The following MAGI2 variants were observed in gnomAD, a reference collection of about 807,000 sequenced individuals.
MAGI2 encodes the protein membrane associated guanylate kinase, WW and PDZ domain containing 2.
In MAGI2, 35 loss-of-function variants were observed where a neutral mutation model predicts 133.3. The observed-to-expected ratio is 0.26, with a 90% CI of 0.20 to 0.35. The LOEUF (loss-of-function observed/expected upper bound fraction) is 0.35, where lower values mean the gene tolerates loss of function less well. MAGI2 is among the 10% of genes least tolerant of loss of function. The pLI is 1.00. For missense variants in MAGI2, 1,636 were observed against 1,863.4 expected, an observed-to-expected ratio of 0.88 and a Z score of 2.25; for synonymous variants, 729 against 710.6, an observed-to-expected ratio of 1.03 and a Z score of -0.41.
intron 1 of MAGI2, among the ~76,000 whole-genome samples, chr7:79,203,891 C>A (rs540119015): frequency 1.3e-5 from 2 of 152,100 alleles, no homozygotes; most frequent in African/African-American, 2.4e-5. Flanking sequence ...CGTCCCCATG[C>A]AGAAACATTA....
chr7:78,955,917 T>C (rs898541517), intron 2 of MAGI2, among the ~76,000 whole-genome samples: 1 of 152,050 alleles, frequency 6.6e-6, no homozygotes, highest in African/African-American at 2.4e-5. Context: ...CACTTTATAA[T>C]ATCTAGAAAC....
intron 1 of MAGI2, among the ~76,000 whole-genome samples, chr7:79,183,661 C>T (rs1041326584): frequency 2.0e-5 from 3 of 151,816 alleles, no homozygotes; most frequent in Non-Finnish European, 2.9e-5. Context: ...GAAATGACTA[C>T]GTCAAAGAGA....
At chr7:79,324,458 G>T (rs1386641028) in intron 1 of MAGI2, among the ~76,000 whole-genome samples, 4 of 102,846 alleles carry the variant, frequency 3.9e-5, no homozygotes, top group African/African-American at 1.4e-4. Flanking sequence ...TATGGTTATA[G>T]ATAGATACGT....
intron 1 of MAGI2, chr7:79,124,794 T>G: frequency 6.2e-6 from 1 of 161,492 alleles, no homozygotes; most frequent in South Asian, 1.6e-4. Context: ...TTGGGGGAGT[T>G]GAGCTTTGAA....
At chr7:78,873,875 A>G (rs1006723493) in intron 2 of MAGI2, among the ~76,000 whole-genome samples, 1 of 152,162 alleles carries the variant, frequency 6.6e-6, no homozygotes, top group African/African-American at 2.4e-5. Context: ...GCTTGCTCAC[A>G]GGGGAGAGGT....
At chr7:79,015,670 G>A (rs184105768) in intron 1 of MAGI2, among the ~76,000 whole-genome samples, 108 of 152,180 alleles carry the variant, frequency 7.1e-4, no homozygotes, top group African/African-American at 2.4e-3. Context: ...TGTCCCAAAG[G>A]TTTATTTTGG....
At chr7:79,060,973 G>A (rs1446936352) in intron 1 of MAGI2, among the ~76,000 whole-genome samples, 1 of 152,114 alleles carries the variant, frequency 6.6e-6, no homozygotes, top group East Asian at 1.9e-4. Flanking sequence ...TTTTAAGGGA[G>A]GTTATATTGT....
chr7:79,407,617 T>A (rs1845894013), intron 1 of MAGI2, among the ~76,000 whole-genome samples: 1 of 152,160 alleles, frequency 6.6e-6, no homozygotes. Context: ...GCTATGAGCT[T>A]GTATTTTGTG....
At chr7:79,281,014 CCTAA>C (rs1835601025) in intron 1 of MAGI2, among the ~76,000 whole-genome samples, 2 of 141,208 alleles carry the variant, frequency 1.4e-5, no homozygotes, top group African/African-American at 5.3e-5. Context: ...GGGAGCATAA[CCTAA>C]CTGTTTCAAA....
At chr7:78,217,760 C>T (rs1788414024) in intron 10 of MAGI2, among the ~76,000 whole-genome samples, 1 of 152,172 alleles carries the variant, frequency 6.6e-6, no homozygotes, top group Non-Finnish European at 1.5e-5. Flanking sequence ...TTGCCATGAT[C>T]TTGTCCTAAA....
intron 1 of MAGI2, among the ~76,000 whole-genome samples, chr7:79,112,999 A>G (rs1310030410): frequency 6.6e-6 from 1 of 152,230 alleles, no homozygotes; most frequent in Non-Finnish European, 1.5e-5. Flanking sequence ...AATAATTTTT[A>G]GTAAAAACTT....
chr7:78,647,617 C>G (rs879547921), intron 2 of MAGI2, among the ~76,000 whole-genome samples: 16 of 152,124 alleles, frequency 1.1e-4, no homozygotes, highest in Admixed American at 1.0e-3. Flanking sequence ...ACTAGAAATA[C>G]CATTTGACCC....
chr7:78,757,598 G>C (rs1266249827), intron 2 of MAGI2, among the ~76,000 whole-genome samples: 1 of 152,066 alleles, frequency 6.6e-6, no homozygotes, highest in Non-Finnish European at 1.5e-5. Context: ...ACATTAGTGA[G>C]TCCTCATCTT....
chr7:78,889,456 T>C (rs1451555025), intron 2 of MAGI2, among the ~76,000 whole-genome samples: 3 of 151,948 alleles, frequency 2.0e-5, no homozygotes. Context: ...AATGAGGAAA[T>C]AATGTTAAGG....
chr7:78,585,063 G>T (rs1465359666), intron 3 of MAGI2, among the ~76,000 whole-genome samples: 1 of 152,124 alleles, frequency 6.6e-6, no homozygotes, highest in African/African-American at 2.4e-5. Flanking sequence ...TTTCACATAG[G>T]ATAAAAGGGG....
chr7:79,409,940 G>A (rs997395412), intron 1 of MAGI2: 25 of 151,958 alleles, frequency 1.6e-4, no homozygotes, highest in African/African-American at 5.1e-4. Flanking sequence ...TGTTAGACAT[G>A]GCCAAATATA....
At chr7:79,156,505 C>A (rs547810409) in intron 1 of MAGI2, among the ~76,000 whole-genome samples, 12 of 152,274 alleles carry the variant, frequency 7.9e-5, no homozygotes, top group Middle Eastern at 3.4e-3. Context: ...AATCTTTTAT[C>A]TTAACCTGAA....
At chr7:78,390,642 TG>T (rs1197687765) in intron 6 of MAGI2, among the ~76,000 whole-genome samples, 1 of 82,994 alleles carries the variant, frequency 1.2e-5, no homozygotes, top group Non-Finnish European at 2.4e-5. Context: ...CTGGTGGGGG[TG>T]GGGGGTGGAG....
chr7:79,417,816 G>C (rs1056813700), intron 1 of MAGI2, among the ~76,000 whole-genome samples: 3 of 151,346 alleles, frequency 2.0e-5, no homozygotes, highest in African/African-American at 4.9e-5. Context: ...AAACAATGAA[G>C]TTCTTTTTTT....
Sources: allele counts gnomAD v4.1 joint callset (sites outside exome capture counted in the v4.1 genomes callset), GRCh38; gene constraint gnomAD v4.1.1; transcripts MANE v1.5; gene names NCBI Gene and HGNC (gene_info 2026-07-23, HGNC 2026-07-21).